CUL2: variants seen among roughly 807,000 people sequenced by gnomAD.
CUL2 encodes the protein cullin-2.
A neutral mutation model predicts 110.2 loss-of-function variants in CUL2; 22 were observed. The ratio of observed to expected loss-of-function variants is 0.20; its 90% CI spans 0.14 to 0.28. The LOEUF (loss-of-function observed/expected upper bound fraction) is 0.28. Among genes scored for constraint, CUL2 ranks in the 10% least tolerant of loss-of-function variants. The pLI, the probability that CUL2 is intolerant of heterozygous loss-of-function variation, is 1.00. For synonymous variants in CUL2, 279 were observed against 293.2 expected (o/e 0.95, Z 0.49); for missense variants, 631 against 905.5 (o/e 0.70, Z 3.89).
intron 2 of CUL2, among the ~76,000 whole-genome samples, chr10:35,097,569 T>A (rs969305240): frequency 2.0e-4 from 31 of 151,760 alleles, no homozygotes; most frequent in African/African-American, 7.2e-4. Context: ...AGCCCAGTAT[T>A]AACAATGTAC....
chr10:35,099,922 G>A (rs536721164), intron 2 of CUL2, among the ~76,000 whole-genome samples: 1 of 152,118 alleles, frequency 6.6e-6, no homozygotes, highest in South Asian at 2.1e-4. Flanking sequence ...ATCTCTGTGG[G>A]CAAGTGAATA....
Position 35,028,797 on chromosome 10 carries a change from C to A in CUL2, c.1617+13G>T. 2.6e-6 allele frequency: 4 copies of A among 1,555,516 alleles called. No individual in the cohort carries two copies. The highest frequency in any genetic ancestry group is 3.5e-6 in the Non-Finnish European group (4 of 1,132,908). ...ATTCCTTTAGTCTTCTAATATATTTCCTGCAAACTTACCATCTGTACACTT... is the reference window on the plus strand; with the variant it reads ...ATTCCTTTAGTCTTCTAATATATTTACTGCAAACTTACCATCTGTACACTT... On this transcript the variant is annotated intron_variant, in intron 16 of 20. Transcript: ENST00000374749.
chr10:35,033,351 T>G (rs922614869), intron 10 of CUL2, 78 bp from the exon 11 acceptor site: 1 of 950,208 alleles, frequency 1.1e-6, no homozygotes, highest in African/African-American at 1.7e-5. Context: ...ATTAGACTTA[T>G]TAGTAAATTT....
intron 1 of CUL2, among the ~76,000 whole-genome samples, chr10:35,077,558 C>T (rs1327199161): frequency 6.6e-6 from 1 of 151,772 alleles, no homozygotes; most frequent in African/African-American, 2.4e-5. Context: ...TGGCTCACAC[C>T]TGTAATCCCA....
intron 16 of CUL2, among the ~76,000 whole-genome samples, chr10:35,025,988 TAAAA>T (rs1248267950): frequency 6.6e-6 from 1 of 152,242 alleles, no homozygotes; most frequent in Non-Finnish European, 1.5e-5. Flanking sequence ...TTTTGTACTT[TAAAA>T]AGGAAGTTCA....
intron 4 of CUL2, among the ~76,000 whole-genome samples, chr10:35,056,898 G>T (rs543355661): frequency 6.6e-6 from 1 of 152,196 alleles, no homozygotes; most frequent in African/African-American, 2.4e-5. Context: ...CAGTCTTCCT[G>T]TCTTCCTAAA....
intron 4 of CUL2, among the ~76,000 whole-genome samples, chr10:35,054,963 T>C (rs574750027): frequency 6.6e-6 from 1 of 152,170 alleles, no homozygotes; most frequent in East Asian, 1.9e-4. Flanking sequence ...AAGATCACAA[T>C]CAGTAGGTAA....
chr10:35,021,831 C>CGAGGTGAGGTGAGGT (rs773566667), intron 17 of CUL2, among the ~76,000 whole-genome samples: 8 of 66,380 alleles, frequency 1.2e-4, no homozygotes, highest in African/African-American at 3.9e-4. Flanking sequence ...TGAGGTGAGG[C>CGAGGTGAGGTGAGGT]GAGGTGAGGT....
intron 8 of CUL2, among the ~76,000 whole-genome samples, chr10:35,039,493 T>C (rs1440599144): frequency 1.3e-5 from 2 of 152,258 alleles, no homozygotes; most frequent in Admixed American, 6.5e-5. Flanking sequence ...CTAATTATTT[T>C]ACGTTGGTTT....
intron 1 of CUL2, among the ~76,000 whole-genome samples, chr10:35,108,692 G>T (rs192854391): frequency 1.3e-5 from 2 of 152,170 alleles, no homozygotes; most frequent in African/African-American, 4.8e-5. Context: ...CTTTTTCAGG[G>T]TTTCTCATGA....
At position 35,062,946 on chromosome 10, in the gene CUL2, G is replaced by C; in HGVS notation, c.222+14C>G. ...CTATCAACATATTTATATCACGTAT[G>C]TATCATTGCTTACCTTATGCAAATG... On this transcript the variant is annotated intron_variant, in intron 3 of 20. Coordinates refer to ENST00000374749, the MANE Select transcript of CUL2 (RefSeq NM_003591.4). 7.4e-7 allele frequency: 1 copy of C among 1,353,982 alleles called. No individual in the cohort carries two copies. Among genetic ancestry groups the C allele is most frequent in the Non-Finnish European group, 1.1e-6 (1 of 946,562 alleles). 83.9% of individuals were successfully genotyped at this position (1,353,982 alleles called of 1,614,324 possible). A position where few individuals can be genotyped will look rare whatever the true frequency, so the allele number is the denominator to read the frequency against.
intron 3 of CUL2, among the ~76,000 whole-genome samples, chr10:35,062,092 G>A (rs969691368): frequency 4.6e-5 from 7 of 152,106 alleles, no homozygotes; most frequent in African/African-American, 1.7e-4. Context: ...TTCTTACGCA[G>A]GCACTAAATT....
Position 35,031,624 on chromosome 10 carries a change from T to G in CUL2, c.1171-5A>C. 6.2e-7 allele frequency: 1 copy of G among 1,613,856 alleles called. No individual in the cohort carries two copies. The highest frequency in any genetic ancestry group is 8.5e-7 in the Non-Finnish European group (1 of 1,179,950). ...GTTGTCACAGTACTTAGCAAGCTCA[T>G]GTAGAAATTGATAATAAATCTTACA... On this transcript the variant is annotated splice_polypyrimidine_tract_variant and splice_region_variant and intron_variant, in intron 12 of 20. Coordinates refer to ENST00000374749, the MANE Select transcript of CUL2 (RefSeq NM_003591.4). The surrounding 1 kb of genome is among the most constrained non-coding windows in gnomAD (Gnocchi z 4.4).
chr10:35,079,159 A>C (rs2086888970), intron 1 of CUL2, among the ~76,000 whole-genome samples: 1 of 152,248 alleles, frequency 6.6e-6, no homozygotes, highest in African/African-American at 2.4e-5. Context: ...GATTAACAAA[A>C]ACTAGCAGTA....
intron 10 of CUL2, among the ~76,000 whole-genome samples, chr10:35,034,052 A>G (rs1374448018): frequency 6.6e-6 from 1 of 152,176 alleles, no homozygotes; most frequent in Non-Finnish European, 1.5e-5. Context: ...CTCACATCTC[A>G]GAGAGAAGAA....
intron 1 of CUL2, among the ~76,000 whole-genome samples, chr10:35,105,095 G>A (rs896916895): frequency 1.3e-5 from 2 of 151,726 alleles, no homozygotes; most frequent in African/African-American, 4.8e-5. Flanking sequence ...ACATTCAATA[G>A]GGATTGAATG....
chr10:35,094,238 A>ATT (rs112549710), upstream of CUL2, among the ~76,000 whole-genome samples: 2 of 147,560 alleles, frequency 1.4e-5, no homozygotes, highest in Non-Finnish European at 1.5e-5. Flanking sequence ...GTCCTCGATA[A>ATT]TTTTTTTTTT....
chr10:35,015,399 C>CT (rs2085000818), intron 18 of CUL2, among the ~76,000 whole-genome samples: 1 of 151,810 alleles, frequency 6.6e-6, no homozygotes, highest in South Asian at 2.1e-4. Context: ...ATGCCTTTTA[C>CT]AGTTGTTCAG....
At chr10:35,080,808 G>C (rs2086929023) in intron 1 of CUL2, among the ~76,000 whole-genome samples, 5 of 152,140 alleles carry the variant, frequency 3.3e-5, no homozygotes, top group Admixed American at 2.0e-4. Flanking sequence ...AAAAAAGAGT[G>C]AACAGACATA....
Sources: allele counts gnomAD v4.1 joint callset (sites outside exome capture counted in the v4.1 genomes callset), GRCh38; gene constraint gnomAD v4.1.1; non-coding constraint Gnocchi (gnomAD v3.1); transcripts MANE v1.5; gene names NCBI Gene and HGNC (gene_info 2026-07-23, HGNC 2026-07-21).